NKAIN3: variants seen among roughly 807,000 people sequenced by gnomAD.
The protein encoded by NKAIN3 is sodium/potassium transporting ATPase interacting 3.
A neutral mutation model predicts 30.2 loss-of-function variants in NKAIN3; 25 were observed. The observed-to-expected ratio is 0.83, with a 90% CI of 0.60 to 1.16. The LOEUF (loss-of-function observed/expected upper bound fraction) is 1.16. Among genes scored for constraint, NKAIN3 ranks in the 50% most tolerant of loss-of-function variants. The pLI is 0.00. For synonymous variants in NKAIN3, 91 were observed against 89.6 expected, an observed-to-expected ratio of 1.02 and a Z score of -0.09; for missense variants, 225 against 254.1, an observed-to-expected ratio of 0.89 and a Z score of 0.78.
chr8:62,337,314 CT>C (rs1815588886), intron 1 of NKAIN3, among the ~76,000 whole-genome samples: 1 of 152,096 alleles, frequency 6.6e-6, no homozygotes, highest in African/African-American at 2.4e-5. Context: ...TATCAGATAA[CT>C]TGTGGCCATT....
At chr8:62,861,394 A>T (rs1363087518) in intron 4 of NKAIN3, among the ~76,000 whole-genome samples, 1 of 152,162 alleles carries the variant, frequency 6.6e-6, no homozygotes, top group Non-Finnish European at 1.5e-5. Context: ...GTCACCAGGG[A>T]TATATGTTCT....
rs189201174 is a variant in NKAIN3 at position 62,914,564 on chromosome 8, C to T, written c.472-3889C>T. 1.4e-4 allele frequency among the ~76,000 whole-genome samples: 21 copies of T among 152,136 alleles called. 1 individual carries two copies. In the East Asian group the frequency reaches 4.1e-3, roughly 29 times the overall value. On this transcript the variant is annotated intron_variant, in intron 4 of 6. Transcript: ENST00000623646. Reference sequence around the variant, plus strand: ...ATATATATTTGTAGGTAGGATAAAACATGGACTAGATGTACAAACACCAGA... The same window carrying T: ...ATATATATTTGTAGGTAGGATAAAATATGGACTAGATGTACAAACACCAGA...
intron 6 of NKAIN3, among the ~76,000 whole-genome samples, chr8:62,954,210 T>A (rs900564884): frequency 3.3e-5 from 5 of 152,188 alleles, no homozygotes; most frequent in Admixed American, 2.0e-4. Flanking sequence ...CTTATTCCCC[T>A]TATCAATAGT....
chr8:62,752,687 T>A (rs1259540683), intron 4 of NKAIN3, among the ~76,000 whole-genome samples: 1 of 152,208 alleles, frequency 6.6e-6, no homozygotes, highest in Non-Finnish European at 1.5e-5. Flanking sequence ...CTTTAACTTC[T>A]TATTTATCTC....
At chr8:62,876,340 T>C (rs1348720656) in intron 4 of NKAIN3, among the ~76,000 whole-genome samples, 2 of 152,136 alleles carry the variant, frequency 1.3e-5, no homozygotes, top group African/African-American at 4.8e-5. Context: ...TGTGGAGGAA[T>C]AGGAATGCTT....
intron 1 of NKAIN3, chr8:62,344,837 T>C: frequency 2.3e-6 from 1 of 432,812 alleles, no homozygotes; most frequent in South Asian, 1.7e-5. Context: ...TTTCTGTGTC[T>C]GTGAAGAATG....
At chr8:62,763,785 C>A (rs1219961962) in intron 4 of NKAIN3, among the ~76,000 whole-genome samples, 1 of 152,190 alleles carries the variant, frequency 6.6e-6, no homozygotes, top group Non-Finnish European at 1.5e-5. Context: ...CAGTCAAAGA[C>A]AGGTTTATTT....
At chr8:62,932,498 A>G (rs1410990748) in intron 5 of NKAIN3, among the ~76,000 whole-genome samples, 1 of 152,214 alleles carries the variant, frequency 6.6e-6, no homozygotes, top group East Asian at 1.9e-4. Context: ...CATCATCAGG[A>G]AGAGAACAAA....
chr8:62,838,020 G>A (rs1382370306), intron 4 of NKAIN3, among the ~76,000 whole-genome samples: 1 of 151,994 alleles, frequency 6.6e-6, no homozygotes, highest in East Asian at 1.9e-4. Flanking sequence ...CTTTTAATGC[G>A]TAAAAACTTA....
intron 4 of NKAIN3, among the ~76,000 whole-genome samples, chr8:62,848,358 G>A (rs1221153555): frequency 1.3e-5 from 2 of 152,008 alleles, no homozygotes; most frequent in Non-Finnish European, 2.9e-5. Flanking sequence ...TCAATGGTTT[G>A]TAGTTCTTCT....
chr8:62,364,858 A>G (rs536535199), intron 1 of NKAIN3, among the ~76,000 whole-genome samples: 259 of 146,170 alleles, frequency 1.8e-3, no homozygotes, highest in Non-Finnish European at 2.7e-3. Context: ...AAAATCATCT[A>G]TGGGATATTT....
At position 62,711,526 on chromosome 8, in the gene NKAIN3, A is replaced by G. The variant is rs563195571; in HGVS notation, c.274-35406A>G. Reference sequence around the variant, plus strand: ...TTCTTTCTTCTATTTGTTCAGTTCTATTGCTAAGACTTTCCAGAGCATTTT... The same window carrying G: ...TTCTTTCTTCTATTTGTTCAGTTCTGTTGCTAAGACTTTCCAGAGCATTTT... On this transcript the variant is annotated intron_variant, in intron 3 of 6. Coordinates refer to ENST00000623646, the MANE Select transcript of NKAIN3 (RefSeq NM_001304533.3). 4.7e-4 allele frequency among the ~76,000 whole-genome samples: 71 copies of G among 152,230 alleles called. No homozygotes were observed. The East Asian group carries it at 0.013, about 28-fold the overall frequency.
At chr8:62,612,538 G>GTTT (rs59976833) in intron 3 of NKAIN3, among the ~76,000 whole-genome samples, 1 of 146,058 alleles carries the variant, frequency 6.8e-6, no homozygotes, top group African/African-American at 2.5e-5. Context: ...AATGGGTCTT[G>GTTT]TTTTTTTTTT....
At chr8:62,525,023 T>G (rs1214830531) in intron 1 of NKAIN3, among the ~76,000 whole-genome samples, 1 of 151,898 alleles carries the variant, frequency 6.6e-6, no homozygotes, top group Non-Finnish European at 1.5e-5. Context: ...GAGGCTACTG[T>G]GGTAGGGGTT....
intron 3 of NKAIN3, among the ~76,000 whole-genome samples, chr8:62,667,391 A>G (rs1813159133): frequency 1.4e-5 from 2 of 146,444 alleles, no homozygotes; most frequent in South Asian, 4.2e-4. Flanking sequence ...ATATATATAT[A>G]AAGAAATTCC....
In NKAIN3 at chr8:62,809,290, C is replaced by T. The variant is rs111782578; in HGVS notation, c.471+62161C>T. Among the ~76,000 whole-genome samples the T allele has an allele frequency of 1.3e-3, 197 of 152,214 alleles. 1 individual carries two copies. Among genetic ancestry groups the T allele is most frequent in the African/African-American group, 4.6e-3 (190 of 41,534 alleles). On this transcript the variant is annotated intron_variant, in intron 4 of 6. Transcript: ENST00000623646. Reference sequence around the variant, plus strand: ...GTCCTGAGGCCACATACATCCTCAGCTTATGAAGATGACAGGATTAAGAGA... The same window carrying T: ...GTCCTGAGGCCACATACATCCTCAGTTTATGAAGATGACAGGATTAAGAGA...
chr8:62,407,404 T>TTTTTTTTTGTTTGTTTGTTTTTTG (rs1554527556), intron 1 of NKAIN3, among the ~76,000 whole-genome samples: 18 of 29,874 alleles, frequency 6.0e-4, no homozygotes, highest in African/African-American at 2.7e-3. Flanking sequence ...GATAGTTGTT[T>TTTTTTTTTGTTTGTTTGTTTTTTG]TTTTTTTTTT....
intron 1 of NKAIN3, among the ~76,000 whole-genome samples, chr8:62,280,240 G>A (rs571363545): frequency 3.3e-5 from 5 of 152,288 alleles, no homozygotes; most frequent in Middle Eastern, 3.4e-3. Context: ...CTGAGACTTT[G>A]CTGAAGTTGC....
intron 1 of NKAIN3, among the ~76,000 whole-genome samples, chr8:62,469,346 A>G (rs908572572): frequency 2.6e-5 from 4 of 152,220 alleles, no homozygotes; most frequent in Non-Finnish European, 5.9e-5. Flanking sequence ...TATTCATCTT[A>G]TGTGTGAGAG....
Sources: allele counts gnomAD v4.1 joint callset (sites outside exome capture counted in the v4.1 genomes callset), GRCh38; gene constraint gnomAD v4.1.1; transcripts MANE v1.5; gene names NCBI Gene and HGNC (gene_info 2026-07-23, HGNC 2026-07-21).